ADAMTS5: variants seen among roughly 807,000 people sequenced by gnomAD.
The protein encoded by ADAMTS5 is A disintegrin and metalloproteinase with thrombospondin motifs 5.
Under a neutral mutation model 81.4 loss-of-function variants are expected in ADAMTS5, and 54 were observed. The ratio of observed to expected loss-of-function variants is 0.66; its 90% CI spans 0.53 to 0.83. The LOEUF (loss-of-function observed/expected upper bound fraction) is 0.83, where lower values mean the gene tolerates loss of function less well. ADAMTS5 is among the 40% of genes least tolerant of loss of function. The pLI is 0.00. For synonymous variants in ADAMTS5, 532 were observed against 508.8 expected (o/e 1.05, Z -0.61); for missense variants, 1,194 against 1,229.9 (o/e 0.97, Z 0.44).
At position 26,965,506 on chromosome 21, in the gene ADAMTS5, A is replaced by G; in HGVS notation, c.886T>C (p.Ser296Pro). ...TGGCTGTACAGCCTATTGGCGATGG[A>G]GGCCAGGGTCAGCAGGTAATGCTGC... ...GLQHYLLTLA[S>P]IANRLYSHAS... The change falls in exon 1 of 8, where the codon TCC (serine) becomes CCC (proline). Residue 296 changes from serine to proline, a missense_variant. Ser to Pro is a moderately conservative substitution (Grantham distance 74, BLOSUM62 -1). Coordinates refer to ENST00000284987, the MANE Select transcript of ADAMTS5 (RefSeq NM_007038.5). The G allele has an allele frequency of 6.2e-7, 1 of 1,614,222 alleles. No homozygotes were observed. The highest frequency in any genetic ancestry group is 1.1e-5 in the South Asian group (1 of 91,090).
chr21:26,966,299 G>C lies in ADAMTS5; in HGVS notation c.93C>G (p.Ala31=), dbSNP rs748300980. The change falls in exon 1 of 8, where the codon GCC becomes GCG. Residue 31 remains alanine (A), a synonymous_variant. Coordinates refer to ENST00000284987, the MANE Select transcript of ADAMTS5 (RefSeq NM_007038.5). Reference sequence around the variant, plus strand: ...CTGCTGCAGCAGTCGGAGGCTGCCCGGCTTTATCCTGGGCAGGTGTCGCGG... The same window carrying C: ...CTGCTGCAGCAGTCGGAGGCTGCCCCGCTTTATCCTGGGCAGGTGTCGCGG... The part of the protein sequence containing the change: ...GPAATPAQDK[A]GQPPTAAAAA... The C allele has an allele frequency of 1.5e-4, 238 of 1,537,714 alleles. No homozygotes were observed. The highest frequency in any genetic ancestry group is 1.9e-4 in the Non-Finnish European group (213 of 1,148,508).
intron 3 of ADAMTS5, among the ~76,000 whole-genome samples, chr21:26,937,751 A>G (rs908547011): frequency 2.0e-5 from 3 of 152,218 alleles, no homozygotes; most frequent in African/African-American, 7.2e-5. Flanking sequence ...TGAGCTCTAG[A>G]GGCATCCAAC....
chr21:26,963,836 A>T (rs1416538131), intron 1 of ADAMTS5, among the ~76,000 whole-genome samples: 1 of 152,046 alleles, frequency 6.6e-6, no homozygotes, highest in Non-Finnish European at 1.5e-5. Flanking sequence ...TGAGGAAAAA[A>T]ATGTTTTCCA....
At chr21:26,926,240 A>C (rs1247005930) in intron 7 of ADAMTS5, among the ~76,000 whole-genome samples, 1 of 152,214 alleles carries the variant, frequency 6.6e-6, no homozygotes, top group Non-Finnish European at 1.5e-5. Flanking sequence ...CAGCCCGAGT[A>C]ACAGAATGAG....
At chr21:26,951,486 G>A (rs1470274302) in intron 2 of ADAMTS5, among the ~76,000 whole-genome samples, 2 of 151,556 alleles carry the variant, frequency 1.3e-5, no homozygotes, top group African/African-American at 4.8e-5. Flanking sequence ...CTAGTAAAAA[G>A]GAAGGGGGAT....
intron 6 of ADAMTS5, among the ~76,000 whole-genome samples, chr21:26,930,361 C>T (rs1986885329): frequency 6.6e-6 from 1 of 152,204 alleles, no homozygotes; most frequent in African/African-American, 2.4e-5. Context: ...ATAATACATT[C>T]TCACTAGAAG....
intron 1 of ADAMTS5, among the ~76,000 whole-genome samples, chr21:26,956,840 C>CT (rs1422021432): frequency 1.3e-5 from 2 of 152,210 alleles, no homozygotes; most frequent in African/African-American, 2.4e-5. Flanking sequence ...TAATATCTCT[C>CT]TGTTTACTGC....
intron 3 of ADAMTS5, among the ~76,000 whole-genome samples, chr21:26,939,218 G>A (rs992259406): frequency 6.6e-6 from 1 of 152,202 alleles, no homozygotes; most frequent in Non-Finnish European, 1.5e-5. Flanking sequence ...AATTCAAGGG[G>A]TCTGGGTATG....
chr21:26,959,121 A>C (rs2123205619), intron 1 of ADAMTS5, among the ~76,000 whole-genome samples: 1 of 152,324 alleles, frequency 6.6e-6, no homozygotes, highest in Middle Eastern at 3.4e-3. Context: ...GAAGAGATGG[A>C]GCAAGTTGGA....
At position 26,966,262 on chromosome 21, in the gene ADAMTS5, G is replaced by T. The variant is rs3746840; in HGVS notation, c.130C>A (p.Arg44Ser). The change falls in exon 1 of 8, where the codon CGC (arginine) becomes AGC (serine). Residue 44 changes from arginine to serine, a missense_variant. Around this residue, in one of 2 missense-constraint regions of ADAMTS5, gnomAD observed 498 missense variants for 412.3 expected, o/e 1.21. Transcript: ENST00000284987. Reference sequence around the variant, plus strand: ...TGCACCTCCTCCCCCTGCCGCCGGCGGGGCTGGGCGGCTGCTGCAGCAGTC... The same window carrying T: ...TGCACCTCCTCCCCCTGCCGCCGGCTGGGCTGGGCGGCTGCTGCAGCAGTC... Reference protein sequence around the residue: ...PPTAAAAAQPRRRQGEEVQER... With the variant: ...PPTAAAAAQPSRRQGEEVQER... 60,567 of 1,581,296 alleles carry T rather than the reference G, an allele frequency of 0.038. 1,572 individuals carry two copies. Among genetic ancestry groups the T allele is most frequent in the South Asian group, 0.074 (6,502 of 88,410 alleles).
chr21:26,923,891 CCTCTT>C lies in ADAMTS5; in HGVS notation c.*157_*161del. On this transcript the variant is annotated 3_prime_UTR_variant, in exon 8 of 8. Coordinates refer to ENST00000284987, the MANE Select transcript of ADAMTS5 (RefSeq NM_007038.5). ...CACTGTCACGTGAAGCAGTGCACAT[CCTCTT>C]TTGGTCACAGAGAGCAGATTCTGCC... The C allele has an allele frequency of 1.4e-6, 1 of 703,938 alleles. No individual in the cohort carries two copies. Among genetic ancestry groups the C allele is most frequent in the Non-Finnish European group, 2.3e-6 (1 of 440,290 alleles). The allele number at this position is 703,938 out of a possible 1,614,324, so 43.6% of individuals were successfully genotyped here.
At chr21:26,941,329 A>G (rs1987110005) in intron 3 of ADAMTS5, among the ~76,000 whole-genome samples, 1 of 152,100 alleles carries the variant, frequency 6.6e-6, no homozygotes, top group Non-Finnish European at 1.5e-5. Context: ...ATCTATTTCT[A>G]TTAAAATTAT....
intron 3 of ADAMTS5, chr21:26,939,792 A>T (rs532050036): frequency 6.6e-6 from 1 of 152,188 alleles, no homozygotes; most frequent in African/African-American, 2.4e-5. Flanking sequence ...TCACTGCACA[A>T]TTTCTTTGCC....
At chr21:26,954,531 T>A (rs1044088222) in intron 2 of ADAMTS5, among the ~76,000 whole-genome samples, 2 of 152,188 alleles carry the variant, frequency 1.3e-5, no homozygotes, top group African/African-American at 4.8e-5. Flanking sequence ...AATGACACTG[T>A]CAGAAGAAAA....
Position 26,934,755 on chromosome 21 carries a change from A to C in ADAMTS5, c.1406-6T>G, listed in dbSNP as rs772150690. 6.2e-7 allele frequency: 1 copy of C among 1,612,468 alleles called. No individual in the cohort carries two copies. The highest frequency in any genetic ancestry group is 2.2e-5 in the East Asian group (1 of 44,824). ...TAGGTCCAGCAAACAGTTACCTACA[A>C]GAATAACTGAGATTGACCACGGCTC... is the stretch of plus-strand genomic sequence containing the variant. On this transcript the variant is annotated splice_region_variant and splice_polypyrimidine_tract_variant and intron_variant, in intron 3 of 7. Transcript: ENST00000284987.
intron 3 of ADAMTS5, among the ~76,000 whole-genome samples, chr21:26,935,245 C>T (rs1383799645): frequency 5.3e-5 from 8 of 152,124 alleles, no homozygotes; most frequent in Admixed American, 5.2e-4. Flanking sequence ...CACATGTCTC[C>T]TTTCCACTAA....
rs1184483279 is a variant in ADAMTS5 at position 26,921,856 on chromosome 21, G to T, written c.*2197C>A. 1 of 152,424 alleles carries T rather than the reference G, an allele frequency of 6.6e-6. No homozygotes were observed. Among genetic ancestry groups the T allele is most frequent in the African/African-American group, 2.4e-5 (1 of 41,442 alleles). The allele number at this position is 152,424 out of a possible 1,614,324, so 9.4% of individuals were successfully genotyped here. ...TTGATAAACCATATTAAAAATGTAT[G>T]AGTATAGTAAGAGAAGCAGAGTAGG... On this transcript the variant is annotated 3_prime_UTR_variant, in exon 8 of 8. Coordinates refer to ENST00000284987, the MANE Select transcript of ADAMTS5 (RefSeq NM_007038.5).
At chr21:26,954,029 A>T (rs552370415) in intron 2 of ADAMTS5, 2 of 152,174 alleles carry the variant, frequency 1.3e-5, no homozygotes, top group Admixed American at 1.3e-4. Flanking sequence ...TAATTCCAAC[A>T]TCTAGTCCTA....
At position 26,924,383 on chromosome 21, in the gene ADAMTS5, C is replaced by T; in HGVS notation, c.2463G>A (p.Met821Ile). ...GAATTTCCTTCGTGGCAGAGTAGCC[C>T]ATGCCATGCAGGAAGTCATCCCTGT... is the stretch of plus-strand genomic sequence containing the variant. ...WSHRDDFLHG[M>I]GYSATKEILI... Residue 821 changes from methionine to isoleucine, a missense_variant, in exon 8 of 8, where the codon ATG becomes ATA. Transcript: ENST00000284987. 6.2e-7 allele frequency: 1 copy of T among 1,614,078 alleles called. No individual in the cohort carries two copies. The highest frequency in any genetic ancestry group is 8.5e-7 in the Non-Finnish European group (1 of 1,179,924).
Sources: gnomAD v4.1 joint callset for allele counts (sites outside exome capture counted in the v4.1 genomes callset) on GRCh38, gnomAD v4.1.1 for gene constraint, gnomAD v4.1.1 regional missense constraint, MANE v1.5 for transcripts, NCBI Gene and HGNC (gene_info 2026-07-23, HGNC 2026-07-21) for gene names.